ABCB5: variants seen among roughly 807,000 people sequenced by gnomAD.
The protein encoded by ABCB5 is ATP binding cassette subfamily B member 5.
In ABCB5, 155 loss-of-function variants were observed where a neutral mutation model predicts 144.2. The observed-to-expected ratio is 1.08, with a 90% confidence interval of 0.94 to 1.23. ABCB5 has a LOEUF of 1.23. Ranked by LOEUF, ABCB5 falls within the 50% of genes most tolerant of loss-of-function variation. ABCB5 has a pLI of 0.00. For synonymous variants in ABCB5, 610 were observed against 528.6 expected, an observed-to-expected ratio of 1.15 and a Z score of -2.11; for missense variants, 1,830 against 1,520.8, an observed-to-expected ratio of 1.20 and a Z score of -3.38.
In ABCB5 at chr7:20,743,008, C is replaced by G. The variant is rs776223231; in HGVS notation, c.3156C>G (p.Ser1052Arg). ...AGACAGTAGCATTTGTGGGGAGCAG[C>G]GGCTGTGGGAAAAGCACTTCTGTTC... ...RGKTVAFVGSSGCGKSTSVQL... is the reference protein window; with the variant it reads ...RGKTVAFVGSRGCGKSTSVQL... The change falls in exon 25 of 28, where the codon AGC becomes AGG. Residue 1052 changes from serine (S) to arginine (R), a missense_variant. Coordinates refer to ENST00000404938, the MANE Select transcript of ABCB5 (RefSeq NM_001163941.2). 1.9e-6 allele frequency: 3 copies of G among 1,614,002 alleles called. No homozygotes were observed. The highest frequency in any genetic ancestry group is 1.7e-6 in the Non-Finnish European group (2 of 1,180,032).
intron 23 of ABCB5, among the ~76,000 whole-genome samples, chr7:20,733,220 CCAAA>C (rs1395615476): frequency 7.2e-5 from 11 of 151,818 alleles, no homozygotes; most frequent in Non-Finnish European, 1.3e-4. Context: ...AATTCTGTGG[CCAAA>C]CATTCATAGA....
Position 20,619,197 on chromosome 7 carries a change from T to C in ABCB5, c.-22+3360T>C, listed in dbSNP as rs189283697. 3.0e-3 allele frequency among the ~76,000 whole-genome samples: 462 copies of C among 152,138 alleles called. 11 individuals carry two copies. The highest frequency in any genetic ancestry group is 0.028 in the Admixed American group (424 of 15,272). ...GCATGCGTCTGTTGTGTAGCATGAT[T>C]TATTTTCCTTTGGAATTGTTGGGTT... On this transcript the variant is annotated intron_variant, in intron 1 of 27. Coordinates refer to ENST00000404938, the MANE Select transcript of ABCB5 (RefSeq NM_001163941.2).
At chr7:20,724,237 A>G (rs975542956) in intron 21 of ABCB5, among the ~76,000 whole-genome samples, 8 of 149,114 alleles carry the variant, frequency 5.4e-5, no homozygotes, top group Middle Eastern at 3.2e-3. Flanking sequence ...CTTCTATCTT[A>G]CTCTTCTTGG....
intron 14 of ABCB5, among the ~76,000 whole-genome samples, chr7:20,661,347 C>G (rs897430236): frequency 6.6e-6 from 1 of 152,136 alleles, no homozygotes; most frequent in Non-Finnish European, 1.5e-5. Flanking sequence ...GCTATTGTCT[C>G]TCTTTCTCCA....
At chr7:20,617,615 C>T (rs1199284171) in intron 1 of ABCB5, among the ~76,000 whole-genome samples, 1 of 152,128 alleles carries the variant, frequency 6.6e-6, no homozygotes, top group East Asian at 1.9e-4. Context: ...CTTCGACAAT[C>T]TTGTTAAAAT....
At chr7:20,631,377 T>C (rs181825126) in intron 4 of ABCB5, among the ~76,000 whole-genome samples, 42 of 152,266 alleles carry the variant, frequency 2.8e-4, no homozygotes, top group African/African-American at 9.9e-4. Flanking sequence ...GATGATGTTA[T>C]GGTTATAACA....
At chr7:20,745,471 G>C (rs1398325861) in intron 26 of ABCB5, 33 bp downstream of exon 26, 2 of 1,607,986 alleles carry the variant, frequency 1.2e-6, no homozygotes, top group African/African-American at 2.7e-5. Context: ...GAATTATAAA[G>C]CTGCCAAGTA....
At chr7:20,648,802 T>C (rs541891986) in intron 11 of ABCB5, among the ~76,000 whole-genome samples, 17 of 152,306 alleles carry the variant, frequency 1.1e-4, no homozygotes, top group Non-Finnish European at 2.4e-4. Context: ...CCTACTTCCT[T>C]ATTTTTTTTC....
intron 20 of ABCB5, among the ~76,000 whole-genome samples, chr7:20,720,943 C>CAAAAAAAAAAAAAA (rs71020677): frequency 1.4e-5 from 1 of 71,060 alleles, no homozygotes; most frequent in Admixed American, 2.0e-4. Flanking sequence ...AACTCTGCCT[C>CAAAAAAAAAAAAAA]AAAAAAAAAA....
Position 20,646,113 on chromosome 7 carries a change from G to A in ABCB5, c.956G>A (p.Gly319Glu). The A allele has an allele frequency of 6.2e-7, 1 of 1,613,590 alleles. No homozygotes were observed. The highest frequency in any genetic ancestry group is 8.5e-7 in the Non-Finnish European group (1 of 1,179,716). The change falls in exon 9 of 28, where the codon GGA (glycine) becomes GAA (glutamate). Residue 319 changes from glycine (G) to glutamate (E), a missense_variant. By Grantham distance (98) the Gly-to-Glu change is moderately conservative (BLOSUM62 -2). Coordinates refer to ENST00000404938, the MANE Select transcript of ABCB5 (RefSeq NM_001163941.2). The part of the protein sequence containing the change: ...GTSLILNGEP[G>E]YTIGTVLAVF... ...TCCTTGATTCTTAATGGAGAACCTG[G>A]ATATACCATCGGGACTGTTCTTGCT...
At chr7:20,719,488 C>G (rs948339101) in intron 20 of ABCB5, among the ~76,000 whole-genome samples, 1 of 152,174 alleles carries the variant, frequency 6.6e-6, no homozygotes, top group Non-Finnish European at 1.5e-5. Flanking sequence ...TGAGAGAAAT[C>G]GTATCCAAAG....
At chr7:20,717,338 G>T (rs928930868) in intron 20 of ABCB5, among the ~76,000 whole-genome samples, 1 of 152,054 alleles carries the variant, frequency 6.6e-6, no homozygotes, top group African/African-American at 2.4e-5. Context: ...CGCACGATTG[G>T]GTTTTACTCC....
intron 14 of ABCB5, chr7:20,659,587 C>T (rs575630900): frequency 3.0e-6 from 3 of 994,478 alleles, no homozygotes; most frequent in Admixed American, 5.7e-5. Context: ...CCACATGTTG[C>T]TTGTGTGATA....
At chr7:20,635,172 G>A (rs1280916930) in intron 5 of ABCB5, among the ~76,000 whole-genome samples, 5 of 151,926 alleles carry the variant, frequency 3.3e-5, no homozygotes, top group African/African-American at 4.8e-5. Context: ...CCTTTTCCCA[G>A]TGTATGTTTT....
At chr7:20,699,755 G>T in intron 17 of ABCB5, 70 bp from the exon 18 acceptor site, 3 of 1,044,664 alleles carry the variant, frequency 2.9e-6, no homozygotes, top group East Asian at 5.0e-5. Context: ...CTGATATACA[G>T]AAATTTTCAC....
At chr7:20,686,971 A>G (rs1049980811) in intron 16 of ABCB5, among the ~76,000 whole-genome samples, 4 of 152,176 alleles carry the variant, frequency 2.6e-5, no homozygotes, top group Non-Finnish European at 5.9e-5. Context: ...CCTTTTAGGT[A>G]TGTGGTCCTC....
At chr7:20,714,730 C>G (rs996214246) in intron 20 of ABCB5, among the ~76,000 whole-genome samples, 3 of 152,110 alleles carry the variant, frequency 2.0e-5, no homozygotes, top group Non-Finnish European at 4.4e-5. Flanking sequence ...GAATGGAAAA[C>G]CCAAGCTTAT....
At chr7:20,739,255 T>A in intron 24 of ABCB5, 116 bp downstream of exon 24, 1 of 1,062,664 alleles carries the variant, frequency 9.4e-7, no homozygotes, top group Non-Finnish European at 1.3e-6. Flanking sequence ...CATTGGGTGC[T>A]ATACTCAGTA....
chr7:20,643,162 C>A, intron 5 of ABCB5, 22 bp from the exon 6 acceptor site: 1 of 1,575,740 alleles, frequency 6.3e-7, no homozygotes, highest in Non-Finnish European at 8.7e-7. Context: ...TTCAGTCTCA[C>A]ATTCTAATAC....
Sources: gnomAD v4.1 joint callset for allele counts (sites outside exome capture counted in the v4.1 genomes callset) on GRCh38, gnomAD v4.1.1 for gene constraint, MANE v1.5 for transcripts, NCBI Gene and HGNC (gene_info 2026-07-23, HGNC 2026-07-21) for gene names.